UBE2E2: variants seen among roughly 807,000 people sequenced by gnomAD.
UBE2E2 encodes the protein ubiquitin conjugating enzyme E2 E2.
Under a neutral mutation model 24.7 loss-of-function variants are expected in UBE2E2, and 6 were observed. The observed-to-expected ratio is 0.24, with a 90% confidence interval of 0.13 to 0.48. The LOEUF (loss-of-function observed/expected upper bound fraction) is 0.48. Ranked by LOEUF, UBE2E2 falls within the 20% of genes least tolerant of loss-of-function variation. The pLI, the probability that UBE2E2 is intolerant of heterozygous loss-of-function variation, is 0.99. For missense variants in UBE2E2, 169 were observed against 245.0 expected (o/e 0.69, Z 2.07); for synonymous variants, 104 against 83.6 (o/e 1.24, Z -1.33).
intron 3 of UBE2E2, among the ~76,000 whole-genome samples, chr3:23,443,242 A>G (rs1175255692): frequency 1.3e-5 from 2 of 152,206 alleles, no homozygotes; most frequent in Non-Finnish European, 2.9e-5. Flanking sequence ...TCATAAAGGC[A>G]CCACAGACTA....
intron 5 of UBE2E2, among the ~76,000 whole-genome samples, chr3:23,577,754 G>A (rs1354805416): frequency 2.6e-5 from 4 of 152,182 alleles, no homozygotes; most frequent in African/African-American, 7.2e-5. Context: ...ATTTATAGCT[G>A]GAGAGAAATC....
At chr3:23,562,508 A>G (rs1174463945) in intron 5 of UBE2E2, among the ~76,000 whole-genome samples, 1 of 152,172 alleles carries the variant, frequency 6.6e-6, no homozygotes, top group African/African-American at 2.4e-5. Context: ...GATGTTCATC[A>G]GGGATATTGG....
chr3:23,427,524 T>C (rs1451476832), intron 3 of UBE2E2, among the ~76,000 whole-genome samples: 2 of 151,958 alleles, frequency 1.3e-5, no homozygotes, highest in Admixed American at 1.3e-4. Context: ...GGGCAACAAA[T>C]AGAAAATTGT....
At chr3:23,411,884 C>T (rs1370237280) in intron 3 of UBE2E2, among the ~76,000 whole-genome samples, 2 of 152,088 alleles carry the variant, frequency 1.3e-5, no homozygotes, top group Non-Finnish European at 2.9e-5. Context: ...AGATCTTTGA[C>T]ACATATTTAT....
intron 1 of UBE2E2, among the ~76,000 whole-genome samples, chr3:23,205,170 A>G (rs911699493): frequency 1.3e-5 from 2 of 152,176 alleles, no homozygotes; most frequent in Non-Finnish European, 2.9e-5. Flanking sequence ...AGGACTACTT[A>G]TTTTATGGTT....
intron 3 of UBE2E2, among the ~76,000 whole-genome samples, chr3:23,394,999 C>T (rs1172446218): frequency 6.6e-6 from 1 of 152,152 alleles, no homozygotes; most frequent in Non-Finnish European, 1.5e-5. Flanking sequence ...AGGAAAAGCC[C>T]TCCTCTTCTG....
At chr3:23,327,664 T>G (rs541573553) in intron 3 of UBE2E2, among the ~76,000 whole-genome samples, 1 of 152,374 alleles carries the variant, frequency 6.6e-6, no homozygotes, top group African/African-American at 2.4e-5. Flanking sequence ...TCTAATTCTT[T>G]CAGTGAAGGT....
intron 5 of UBE2E2, among the ~76,000 whole-genome samples, chr3:23,544,130 C>T (rs1695460090): frequency 6.6e-6 from 1 of 152,152 alleles, no homozygotes; most frequent in African/African-American, 2.4e-5. Context: ...CTAGGAAAAA[C>T]TCTTTTGGGC....
intron 5 of UBE2E2, among the ~76,000 whole-genome samples, chr3:23,541,448 G>T (rs1430176959): frequency 6.6e-6 from 1 of 152,182 alleles, no homozygotes; most frequent in East Asian, 1.9e-4. Flanking sequence ...GGAGCTTAAT[G>T]TGTATTATGG....
intron 3 of UBE2E2, among the ~76,000 whole-genome samples, chr3:23,424,718 TC>T: frequency 6.6e-6 from 1 of 152,304 alleles, no homozygotes; most frequent in African/African-American, 2.4e-5. Flanking sequence ...GCTAAGGTAC[TC>T]TGATAGCTAT....
chr3:23,503,232 T>C (rs1694324924), intron 4 of UBE2E2, among the ~76,000 whole-genome samples: 1 of 152,032 alleles, frequency 6.6e-6, no homozygotes, highest in Non-Finnish European at 1.5e-5. Flanking sequence ...CTCTTTTGCC[T>C]AAGCTGGAGT....
intron 3 of UBE2E2, among the ~76,000 whole-genome samples, chr3:23,341,061 G>A (rs1294497214): frequency 3.3e-5 from 5 of 152,150 alleles, no homozygotes; most frequent in African/African-American, 1.2e-4. Flanking sequence ...GCAGACCATG[G>A]TTCCAAGAAG....
At chr3:23,497,766 T>C (rs1229025574) in intron 3 of UBE2E2, among the ~76,000 whole-genome samples, 1 of 152,176 alleles carries the variant, frequency 6.6e-6, no homozygotes, top group African/African-American at 2.4e-5. Context: ...ATCTCAAATT[T>C]TTCTAATGTA....
At chr3:23,338,156 G>T (rs1695264376) in intron 3 of UBE2E2, among the ~76,000 whole-genome samples, 1 of 152,218 alleles carries the variant, frequency 6.6e-6, no homozygotes, top group African/African-American at 2.4e-5. Context: ...TTGTATTTGT[G>T]TGGGTGGGCA....
Position 23,492,924 on chromosome 3 carries a change from C to T in UBE2E2, c.228-6684C>T, listed in dbSNP as rs530981782. Among the ~76,000 whole-genome samples, 151 of 151,874 alleles carry T rather than the reference C, an allele frequency of 9.9e-4. 2 individuals are homozygous for T. The highest frequency in any genetic ancestry group is 3.5e-3 in the African/African-American group (145 of 41,442). On this transcript the variant is annotated intron_variant, in intron 3 of 5. Coordinates refer to ENST00000396703, the MANE Select transcript of UBE2E2 (RefSeq NM_152653.4). Reference sequence around the variant, plus strand: ...TTATTTTAATACATTTTTAGCCCACCATTTCAACCTGTAATTATTATTAAA... The same window carrying T: ...TTATTTTAATACATTTTTAGCCCACTATTTCAACCTGTAATTATTATTAAA...
At chr3:23,443,435 G>A (rs1698349857) in intron 3 of UBE2E2, among the ~76,000 whole-genome samples, 1 of 152,124 alleles carries the variant, frequency 6.6e-6, no homozygotes, top group Non-Finnish European at 1.5e-5. Flanking sequence ...CAGTCCTGTA[G>A]GTTCGTTCCT....
rs1336125902 is a variant in UBE2E2 at position 23,269,558 on chromosome 3, G to T, written c.227+52246G>T. The stretch of plus-strand genomic sequence containing the variant: ...CCAATGGGACAGGATTTGAGGGTGG[G>T]AGTTGGGGTAGGAGAAAGGGAGCAG... On this transcript the variant is annotated intron_variant, in intron 3 of 5. Transcript: ENST00000396703. Among the ~76,000 whole-genome samples, 3 of 152,190 alleles carry T rather than the reference G, an allele frequency of 2.0e-5. No homozygotes were observed. In the East Asian group the frequency reaches 5.8e-4, roughly 29 times the overall value.
intron 3 of UBE2E2, among the ~76,000 whole-genome samples, chr3:23,443,958 G>T (rs1698364588): frequency 6.6e-6 from 1 of 152,078 alleles, no homozygotes; most frequent in Non-Finnish European, 1.5e-5. Flanking sequence ...GACTTTAGAC[G>T]GGACAGTTAG....
chr3:23,274,272 G>A (rs1698323587), intron 3 of UBE2E2, among the ~76,000 whole-genome samples: 1 of 152,098 alleles, frequency 6.6e-6, no homozygotes, highest in Admixed American at 6.5e-5. Flanking sequence ...GATTCATTAA[G>A]AAAATGATTT....
Sources: allele counts gnomAD v4.1 joint callset (sites outside exome capture counted in the v4.1 genomes callset), GRCh38; gene constraint gnomAD v4.1.1; transcripts MANE v1.5; gene names NCBI Gene and HGNC (gene_info 2026-07-23, HGNC 2026-07-21).